RPH3A: variants seen among roughly 807,000 people sequenced by gnomAD.
RPH3A encodes the protein rabphilin 3A, also known as rabphilin-3A.
In RPH3A, 48 loss-of-function variants were observed where a neutral mutation model predicts 102.2. The observed-to-expected ratio is 0.47, with a 90% CI of 0.37 to 0.60. RPH3A has a LOEUF of 0.60. Ranked by LOEUF, RPH3A falls within the 20% of genes least tolerant of loss-of-function variation. The pLI is 0.00. For missense variants in RPH3A, 781 were observed against 910.1 expected (o/e 0.86, Z 1.83); for synonymous variants, 310 against 324.3 (o/e 0.96, Z 0.47).
chr12:112,784,526 G>A (rs1420636738), intron 1 of RPH3A, among the ~76,000 whole-genome samples: 1 of 152,222 alleles, frequency 6.6e-6, no homozygotes, highest in Non-Finnish European at 1.5e-5. Context: ...TGAGATGCCA[G>A]TAAGTTTTAT....
intron 5 of RPH3A, among the ~76,000 whole-genome samples, chr12:112,860,955 G>C (rs1331684274): frequency 6.6e-6 from 1 of 152,174 alleles, no homozygotes; most frequent in Admixed American, 6.5e-5. Context: ...GCATTGAAAG[G>C]CATCCTGATG....
chr12:112,816,233 C>T (rs2041669435), intron 2 of RPH3A, among the ~76,000 whole-genome samples: 1 of 152,168 alleles, frequency 6.6e-6, no homozygotes, highest in African/African-American at 2.4e-5. Context: ...GCTTCAGTTT[C>T]CCCATCTGTA....
intron 1 of RPH3A, among the ~76,000 whole-genome samples, chr12:112,785,021 G>A (rs1229507373): frequency 1.3e-5 from 2 of 152,078 alleles, no homozygotes; most frequent in African/African-American, 2.4e-5. Flanking sequence ...TCGGGAGTTC[G>A]AGACCAACCT....
chr12:112,785,953 T>G (rs1393798627), intron 1 of RPH3A, among the ~76,000 whole-genome samples: 1 of 151,888 alleles, frequency 6.6e-6, no homozygotes, highest in Admixed American at 6.6e-5. Flanking sequence ...TATTCATCAT[T>G]TAGAGTATAC....
chr12:112,881,370 C>T (rs1384715013), intron 14 of RPH3A, among the ~76,000 whole-genome samples: 3 of 152,208 alleles, frequency 2.0e-5, no homozygotes, highest in Non-Finnish European at 2.9e-5. Flanking sequence ...CTTTATTCTT[C>T]TGGGACATGT....
intron 1 of RPH3A, among the ~76,000 whole-genome samples, chr12:112,672,216 C>T (rs2040137478): frequency 2.0e-5 from 3 of 152,026 alleles, no homozygotes; most frequent in Admixed American, 6.6e-5. Flanking sequence ...CACATTTCTA[C>T]CTTGCAATCT....
At chr12:112,684,920 C>T (rs1028125730) in intron 1 of RPH3A, among the ~76,000 whole-genome samples, 5 of 152,160 alleles carry the variant, frequency 3.3e-5, no homozygotes, top group African/African-American at 7.2e-5. Context: ...TTCTTCTCTA[C>T]GTCCCCACCT....
chr12:112,584,370 C>T (rs2039422974), intron 1 of RPH3A, among the ~76,000 whole-genome samples: 1 of 152,150 alleles, frequency 6.6e-6, no homozygotes, highest in Non-Finnish European at 1.5e-5. Context: ...ACTCTGACAC[C>T]GTTCTCTACG....
rs980630827 is a variant in RPH3A, at chr12:112,847,550, T to A, written c.84-146T>A. 4 of 830,514 alleles carry A rather than the reference T, an allele frequency of 4.8e-6. No individual in the cohort carries two copies. In the African/African-American group the frequency reaches 6.8e-5, roughly 14 times the overall value. 51.4% of individuals were successfully genotyped at this position (830,514 alleles called of 1,614,324 possible). A position where few individuals can be genotyped will look rare whatever the true frequency, so the allele number is the denominator to read the frequency against. ...TCATTAGAAGCCTAAGAGGGAAGTATGTGTGTCCCATTGCAGAGAGGAGCA... is the reference window on the plus strand; with the variant it reads ...TCATTAGAAGCCTAAGAGGGAAGTAAGTGTGTCCCATTGCAGAGAGGAGCA... On this transcript the variant is annotated intron_variant, in intron 4 of 21. Transcript: ENST00000389385.
chr12:112,590,190 A>C (rs189414929), intron 1 of RPH3A, among the ~76,000 whole-genome samples: 7 of 152,230 alleles, frequency 4.6e-5, no homozygotes, highest in Admixed American at 4.6e-4. Context: ...TTCTTCTTCT[A>C]TGATTTTTAC....
intron 5 of RPH3A, among the ~76,000 whole-genome samples, chr12:112,856,226 C>T (rs1024534344): frequency 2.0e-5 from 3 of 152,228 alleles, no homozygotes; most frequent in African/African-American, 7.2e-5. Context: ...ATCCATTAAC[C>T]TTTTCCTCGA....
intron 1 of RPH3A, among the ~76,000 whole-genome samples, chr12:112,643,388 A>G (rs1279445813): frequency 6.6e-6 from 1 of 152,218 alleles, no homozygotes; most frequent in African/African-American, 2.4e-5. Context: ...CAGAAGTCAA[A>G]TCAAGATTAG....
chr12:112,695,981 C>T (rs1265606625), intron 1 of RPH3A, among the ~76,000 whole-genome samples: 1 of 152,104 alleles, frequency 6.6e-6, no homozygotes, highest in Non-Finnish European at 1.5e-5. Context: ...TCTTTTATCC[C>T]TCACCCCCTC....
At chr12:112,743,289 C>T (rs1314313179) in intron 1 of RPH3A, among the ~76,000 whole-genome samples, 1 of 152,214 alleles carries the variant, frequency 6.6e-6, no homozygotes, top group Non-Finnish European at 1.5e-5. Context: ...CCAGGCTCCG[C>T]ATTTGTTCAC....
At chr12:112,781,670 C>T (rs2041008711) in intron 1 of RPH3A, among the ~76,000 whole-genome samples, 1 of 152,184 alleles carries the variant, frequency 6.6e-6, no homozygotes, top group Non-Finnish European at 1.5e-5. Flanking sequence ...AAAATGGTGC[C>T]CTTTTCATCC....
At chr12:112,690,323 A>T (rs2040297048) in intron 1 of RPH3A, among the ~76,000 whole-genome samples, 1 of 152,216 alleles carries the variant, frequency 6.6e-6, no homozygotes, top group Non-Finnish European at 1.5e-5. Context: ...TTAAGTTGGT[A>T]AGCCAAGGGG....
chr12:112,580,215 C>T (rs1211945517), intron 1 of RPH3A, among the ~76,000 whole-genome samples: 1 of 151,670 alleles, frequency 6.6e-6, no homozygotes, highest in Admixed American at 6.6e-5. Context: ...GCCTCTCTCT[C>T]CACGTCTCTC....
chr12:112,642,109 G>T (rs1193541820), intron 1 of RPH3A, among the ~76,000 whole-genome samples: 1 of 152,126 alleles, frequency 6.6e-6, no homozygotes, highest in African/African-American at 2.4e-5. Context: ...AGACAGCATT[G>T]TTCTCAAGGA....
intron 5 of RPH3A, among the ~76,000 whole-genome samples, chr12:112,858,859 C>G (rs1485877215): frequency 1.3e-5 from 2 of 152,176 alleles, no homozygotes; most frequent in Non-Finnish European, 2.9e-5. Flanking sequence ...ACTCCTGGTG[C>G]CTCTGGGAGT....
Sources: allele counts gnomAD v4.1 joint callset (sites outside exome capture counted in the v4.1 genomes callset), GRCh38; gene constraint gnomAD v4.1.1; transcripts MANE v1.5; gene names NCBI Gene and HGNC (gene_info 2026-07-23, HGNC 2026-07-21).